The following CDKAL1 variants were observed in gnomAD, a reference collection of about 807,000 sequenced individuals.
CDKAL1 encodes the protein CDKAL1 threonylcarbamoyladenosine tRNA methylthiotransferase.
CDKAL1 carries 32 observed loss-of-function variants against 68.2 expected under a neutral mutation model. The ratio of observed to expected loss-of-function variants is 0.47; its 90% CI spans 0.35 to 0.63. CDKAL1 has a LOEUF of 0.63. CDKAL1 is among the 30% of genes least tolerant of loss of function. The probability of loss-of-function intolerance (pLI) is 0.00; values close to 1 mark genes in which losing one functional copy is unlikely to be tolerated. For missense variants in CDKAL1, 606 were observed against 696.7 expected (o/e 0.87, Z 1.47); for synonymous variants, 234 against 244.3 (o/e 0.96, Z 0.39).
chr6:20,654,386 A>G (rs974596248), intron 5 of CDKAL1, among the ~76,000 whole-genome samples: 4 of 151,784 alleles, frequency 2.6e-5, no homozygotes, highest in Admixed American at 2.6e-4. Flanking sequence ...ACACGTTGCA[A>G]ATATCTTCTC....
chr6:20,909,584 G>A (rs1178296313), intron 9 of CDKAL1, among the ~76,000 whole-genome samples: 1 of 152,112 alleles, frequency 6.6e-6, no homozygotes, highest in East Asian at 1.9e-4. Context: ...TGTGGTTTTT[G>A]CCTTGGTTTT....
intron 9 of CDKAL1, among the ~76,000 whole-genome samples, chr6:20,937,199 C>G (rs1373842520): frequency 1.3e-5 from 2 of 152,174 alleles, no homozygotes; most frequent in African/African-American, 4.8e-5. Flanking sequence ...AGCCATCCTC[C>G]TACTTCAGCT....
chr6:20,860,369 T>C (rs1268413346), intron 9 of CDKAL1, among the ~76,000 whole-genome samples: 1 of 152,202 alleles, frequency 6.6e-6, no homozygotes, highest in East Asian at 1.9e-4. Context: ...ATGAGCCACT[T>C]GGCTCAGCCA....
intron 11 of CDKAL1, among the ~76,000 whole-genome samples, chr6:21,063,010 G>T (rs1265525659): frequency 2.0e-5 from 3 of 152,200 alleles, no homozygotes; most frequent in African/African-American, 7.2e-5. Context: ...CACCTCCCGG[G>T]TTCAAGCAAT....
Position 20,902,341 on chromosome 6 carries a change from ACACACACACACACACAC to A in CDKAL1, c.743-53077_743-53061del, listed in dbSNP as rs773620300. 7.7e-4 allele frequency among the ~76,000 whole-genome samples: 116 copies of A among 150,362 alleles called. No individual in the cohort carries two copies. In the South Asian group the frequency reaches 0.014, roughly 19 times the overall value. On this transcript the variant is annotated intron_variant, in intron 9 of 15. Coordinates refer to ENST00000274695, the MANE Select transcript of CDKAL1 (RefSeq NM_017774.3). Reference sequence around the variant, plus strand: ...CACACACACACACACACACACACACACACACACACACACACACAATGTGTTTATTGGGCCTTTAATAA... The same window carrying A: ...CACACACACACACACACACACACACAAATGTGTTTATTGGGCCTTTAATAA...
intron 13 of CDKAL1, among the ~76,000 whole-genome samples, chr6:21,164,191 T>C (rs1777045595): frequency 6.6e-6 from 1 of 152,030 alleles, no homozygotes. Flanking sequence ...TTAAAATCAC[T>C]TCCTATTTTG....
At chr6:21,129,355 G>C (rs1015554088) in intron 13 of CDKAL1, among the ~76,000 whole-genome samples, 2 of 151,948 alleles carry the variant, frequency 1.3e-5, no homozygotes, top group Non-Finnish European at 2.9e-5. Context: ...GGAGAAAAAT[G>C]AAAATATTGT....
At chr6:21,224,873 G>C (rs1026705758) in intron 15 of CDKAL1, among the ~76,000 whole-genome samples, 1 of 152,184 alleles carries the variant, frequency 6.6e-6, no homozygotes. Context: ...GGTGATGTAT[G>C]ACTCCTTGTC....
intron 10 of CDKAL1, among the ~76,000 whole-genome samples, chr6:20,991,852 TAA>T (rs550170759): frequency 2.1e-5 from 3 of 141,502 alleles, no homozygotes; most frequent in Admixed American, 7.1e-5. Flanking sequence ...CCTGTCTCTT[TAA>T]AAAAAAAAAA....
chr6:21,061,388 T>C (rs1050946836), intron 11 of CDKAL1, among the ~76,000 whole-genome samples: 1 of 152,154 alleles, frequency 6.6e-6, no homozygotes, highest in Non-Finnish European at 1.5e-5. Context: ...AATACTAGTA[T>C]GAAAACATAC....
At chr6:20,827,993 G>A (rs1581657059) in intron 8 of CDKAL1, among the ~76,000 whole-genome samples, 1 of 152,042 alleles carries the variant, frequency 6.6e-6, no homozygotes, top group Non-Finnish European at 1.5e-5. Flanking sequence ...GCTGAGAAAT[G>A]GTGTGTAGGC....
chr6:20,590,870 C>A (rs569029678), intron 4 of CDKAL1, among the ~76,000 whole-genome samples: 1 of 152,040 alleles, frequency 6.6e-6, no homozygotes, highest in Admixed American at 6.6e-5. Context: ...GGGTGTATAC[C>A]GAGTAATGGG....
intron 15 of CDKAL1, among the ~76,000 whole-genome samples, chr6:21,221,416 G>A (rs1248755145): frequency 3.9e-5 from 6 of 152,048 alleles, no homozygotes; most frequent in East Asian, 2.0e-4. Flanking sequence ...TTTGTAGAGA[G>A]GGGGTTTCGC....
intron 2 of CDKAL1, among the ~76,000 whole-genome samples, chr6:20,541,137 C>G (rs1365759873): frequency 6.6e-6 from 1 of 152,124 alleles, no homozygotes. Flanking sequence ...ACCACAGAAC[C>G]ATTTTTTTTT....
intron 4 of CDKAL1, among the ~76,000 whole-genome samples, chr6:20,568,573 A>G (rs939247719): frequency 5.9e-5 from 9 of 151,780 alleles, no homozygotes; most frequent in African/African-American, 2.2e-4. Context: ...CTCTACTAAC[A>G]ATACAAAAAA....
At chr6:21,191,889 G>A (rs1582389918) in intron 13 of CDKAL1, among the ~76,000 whole-genome samples, 1 of 150,238 alleles carries the variant, frequency 6.7e-6, no homozygotes, top group Non-Finnish European at 1.5e-5. Context: ...CAGCAGTAAT[G>A]CAGGGTCTTG....
chr6:21,028,415 TA>T (rs1011153794), intron 11 of CDKAL1, among the ~76,000 whole-genome samples: 3 of 152,186 alleles, frequency 2.0e-5, no homozygotes, highest in African/African-American at 7.2e-5. Context: ...CTCACCATTT[TA>T]GAGGCTGCAA....
At chr6:20,661,016 A>T (rs1769261117) in intron 5 of CDKAL1, among the ~76,000 whole-genome samples, 1 of 152,136 alleles carries the variant, frequency 6.6e-6, no homozygotes, top group Non-Finnish European at 1.5e-5. Flanking sequence ...GTAATGTTGG[A>T]AAGGTTGACT....
At chr6:20,848,008 G>A (rs901699450) in intron 9 of CDKAL1, among the ~76,000 whole-genome samples, 1 of 152,168 alleles carries the variant, frequency 6.6e-6, no homozygotes, top group African/African-American at 2.4e-5. Context: ...CCATGTAAAT[G>A]AAATGGTGGT....
Sources: allele counts gnomAD v4.1 joint callset (sites outside exome capture counted in the v4.1 genomes callset), GRCh38; gene constraint gnomAD v4.1.1; transcripts MANE v1.5; gene names NCBI Gene and HGNC (gene_info 2026-07-23, HGNC 2026-07-21).